LRRC46: variants seen among roughly 807,000 people sequenced by gnomAD.
LRRC46 encodes the protein leucine rich repeat containing 46.
A neutral mutation model predicts 28.0 loss-of-function variants in LRRC46; 20 were observed. The ratio of observed to expected loss-of-function variants is 0.71; its 90% CI spans 0.50 to 1.04. The LOEUF (loss-of-function observed/expected upper bound fraction) is 1.04. Among genes scored for constraint, LRRC46 ranks in the 50% least tolerant of loss-of-function variants. The probability of loss-of-function intolerance (pLI) is 0.00; values close to 1 mark genes in which losing one functional copy is unlikely to be tolerated. For synonymous variants in LRRC46, 156 were observed against 158.8 expected (o/e 0.98, Z 0.13); for missense variants, 315 against 390.1 (o/e 0.81, Z 1.62).
At chr17:47,832,752 G>T (rs913616807) in intron 2 of LRRC46, among the ~76,000 whole-genome samples, 9 of 152,176 alleles carry the variant, frequency 5.9e-5, no homozygotes, top group Non-Finnish European at 5.9e-5. Flanking sequence ...TGGCCAGACT[G>T]GTCTTGAACT....
intron 3 of LRRC46, chr17:47,834,943 T>C (rs1014148409): frequency 2.7e-5 from 6 of 224,702 alleles, no homozygotes; most frequent in Admixed American, 5.5e-5. Context: ...TTCCCCTGGT[T>C]GAGTATTCCC....
rs1463904655 is a variant in LRRC46, at chr17:47,836,232, T to C, written c.453-101T>C. 6.3e-7 allele frequency: 1 copy of C among 1,585,550 alleles called. No homozygotes were observed. Among genetic ancestry groups the C allele is most frequent in the Non-Finnish European group, 8.6e-7 (1 of 1,158,928 alleles). ...TCTCCCCCACCTCCTACCTAGCTCA[T>C]GAGCCACCACCCCTCCGGGTGTGAG... On this transcript the variant is annotated intron_variant, in intron 6 of 7. Coordinates refer to ENST00000269025, the MANE Select transcript of LRRC46 (RefSeq NM_033413.4). The surrounding 1 kb of genome is among the most constrained non-coding windows in gnomAD (Gnocchi z 5.8).
Position 47,836,003 on chromosome 17 carries a change from C to T in LRRC46, c.383-30C>T, listed in dbSNP as rs1298705366. On this transcript the variant is annotated intron_variant, in intron 5 of 7. Coordinates refer to ENST00000269025, the MANE Select transcript of LRRC46 (RefSeq NM_033413.4). This position sits in a 1 kb window ranked among gnomAD's most constrained non-coding sequence, Gnocchi z 5.8. Reference sequence around the variant, plus strand: ...TCTTTTGGCTAAGATCAAGTGAGAACCCCATTTCCTCTCTCTTTGCTGTGT... The same window carrying T: ...TCTTTTGGCTAAGATCAAGTGAGAATCCCATTTCCTCTCTCTTTGCTGTGT... 1.2e-6 allele frequency: 2 copies of T among 1,610,614 alleles called. No individual in the cohort carries two copies. The highest frequency in any genetic ancestry group is 2.7e-5 in the African/African-American group (2 of 74,872).
At chr17:47,834,239 G>GC (rs1345633861) in intron 2 of LRRC46, among the ~76,000 whole-genome samples, 186 bp from the exon 3 acceptor site, 3 of 152,208 alleles carry the variant, frequency 2.0e-5, no homozygotes, top group Non-Finnish European at 4.4e-5. Flanking sequence ...ATACGAGTCT[G>GC]CAAGTCAAGC....
chr17:47,836,914 C>A lies in LRRC46; in HGVS notation c.760C>A (p.Pro254Thr). 1 of 1,613,940 alleles carries A rather than the reference C, an allele frequency of 6.2e-7. No homozygotes were observed. The highest frequency in any genetic ancestry group is 1.1e-5 in the South Asian group (1 of 91,084). The change falls in exon 8 of 8, where the codon CCT becomes ACT. Residue 254 changes from proline to threonine, a missense_variant. Physicochemically the swap from Pro to Thr is conservative, Grantham distance 38 (BLOSUM62 -1). Transcript: ENST00000269025. This position sits in a 1 kb window ranked among gnomAD's most constrained non-coding sequence, Gnocchi z 5.8. ...TGGGGACAGCAGCCCTTCTGCCACT[C>A]CTGCGCAAGGGGAGGAGACAGTCCC... The part of the protein sequence containing the change: ...MAGDSSPSAT[P>T]AQGEETVPEA...
In LRRC46 at chr17:47,836,971, C is replaced by A. The variant is rs1332736858; in HGVS notation, c.817C>A (p.Pro273Thr). 6.2e-7 allele frequency: 1 copy of A among 1,613,630 alleles called. No homozygotes were observed. Among genetic ancestry groups the A allele is most frequent in the Admixed American group, 1.7e-5 (1 of 59,860 alleles). The change falls in exon 8 of 8, where the codon CCC (proline) becomes ACC (threonine). Residue 273 changes from proline to threonine, a missense_variant. Transcript: ENST00000269025. This position sits in a 1 kb window ranked among gnomAD's most constrained non-coding sequence, Gnocchi z 5.8. ...CGTCTCCTCACCCCAGGCCTCCTCT[C>A]CCACCAAGAAACCATGCAGTCTGAT... ...EAVSSPQASSPTKKPCSLIPR... is the reference protein window; with the variant it reads ...EAVSSPQASSTTKKPCSLIPR...
Position 47,836,862 on chromosome 17 carries a change from G to C in LRRC46, c.708G>C (p.Leu236=), listed in dbSNP as rs2033705097. 6.2e-7 allele frequency: 1 copy of C among 1,613,878 alleles called. No individual in the cohort carries two copies. Residue 236 remains leucine, a synonymous_variant, in exon 8 of 8, where the codon CTG becomes CTC. Transcript: ENST00000269025. This position sits in a 1 kb window ranked among gnomAD's most constrained non-coding sequence, Gnocchi z 5.8. ...RMEMQPTLTD[L]PLLPGVPMAG... ...AGATGCAGCCCACCCTCACCGACCT[G>C]CCCCTGCTACCTGGGGTGCCCATGG...
Position 47,831,872 on chromosome 17 carries a change from T to G in LRRC46, c.-118T>G. On this transcript the variant is annotated 5_prime_UTR_variant, in exon 1 of 8. Transcript: ENST00000269025. Reference sequence around the variant, plus strand: ...GAATCAACCCCCTTTCCTCCTCTCCTAAGTCTCTGAGTTTCTCTCTCCTCC... The same window carrying G: ...GAATCAACCCCCTTTCCTCCTCTCCGAAGTCTCTGAGTTTCTCTCTCCTCC... 3 of 1,372,084 alleles carry G rather than the reference T, an allele frequency of 2.2e-6. No individual in the cohort carries two copies. The highest frequency in any genetic ancestry group is 3.1e-6 in the Non-Finnish European group (3 of 974,112). 85.0% of individuals were successfully genotyped at this position (1,372,084 alleles called of 1,614,324 possible). A position where few individuals can be genotyped will look rare whatever the true frequency, so the allele number is the denominator to read the frequency against.
chr17:47,831,676 C>G lies in LRRC46; in HGVS notation c.-314C>G. 1.4e-6 allele frequency: 1 copy of G among 701,152 alleles called. No homozygotes were observed. Among genetic ancestry groups the G allele is most frequent in the Non-Finnish European group, 2.4e-6 (1 of 419,536 alleles). 43.4% of individuals were successfully genotyped at this position (701,152 alleles called of 1,614,324 possible). A position where few individuals can be genotyped will look rare whatever the true frequency, so the allele number is the denominator to read the frequency against. ...AGCCCGCCTTTACCTCCCCACTCGG[C>G]GTCCAGTCTCTTAGCAACGACTCCG... On this transcript the variant is annotated 5_prime_UTR_variant, in exon 1 of 8. Coordinates refer to ENST00000269025, the MANE Select transcript of LRRC46 (RefSeq NM_033413.4).
At position 47,836,807 on chromosome 17, in the gene LRRC46, C is replaced by T. The variant is rs148647571; in HGVS notation, c.653C>T (p.Thr218Met). The T allele has an allele frequency of 2.0e-5, 33 of 1,613,846 alleles. No homozygotes were observed. The highest frequency in any genetic ancestry group is 2.0e-4 in the Admixed American group (12 of 59,986). Residue 218 changes from threonine (T) to methionine (M), a missense_variant, in exon 8 of 8, where the codon ACG (threonine) becomes ATG (methionine). Physicochemically the swap from Thr to Met is moderately conservative, Grantham distance 81. Transcript: ENST00000269025. The surrounding 1 kb of genome is among the most constrained non-coding windows in gnomAD (Gnocchi z 5.8). Reference protein sequence around the residue: ...LSRHREHRQQTALTEHLLRME... With the variant: ...LSRHREHRQQMALTEHLLRME... ...AGGCACAGGGAGCACCGGCAACAGA[C>T]GGCCCTGACAGAGCACCTGCTGAGG...
chr17:47,837,442 T>G lies in LRRC46; in HGVS notation c.*322T>G, dbSNP rs1360179419. 2.4e-6 allele frequency: 1 copy of G among 416,366 alleles called. No homozygotes were observed. The highest frequency in any genetic ancestry group is 4.5e-5 in the Admixed American group (1 of 22,304). 25.8% of individuals were successfully genotyped at this position (416,366 alleles called of 1,614,324 possible). On this transcript the variant is annotated 3_prime_UTR_variant, in exon 8 of 8. Transcript: ENST00000269025. ...CGGGCACCACCTCATGGAAGAGGCA[T>G]GCCATCTCACTGCCACCCCTAGCGA...
intron 2 of LRRC46, among the ~76,000 whole-genome samples, chr17:47,832,565 T>TGTA (rs1418124900): frequency 8.5e-5 from 13 of 152,142 alleles, no homozygotes; most frequent in Admixed American, 3.3e-4. Context: ...GGTGCACACC[T>TGTA]GTAGTCCTAG....
intron 2 of LRRC46, chr17:47,833,892 A>T (rs1222819687): frequency 3.0e-6 from 3 of 983,794 alleles, no homozygotes; most frequent in Admixed American, 1.2e-4. Context: ...CTGGGAGTAC[A>T]GGGTAAGCCA....
rs756955580 is a variant in LRRC46 at position 47,837,081 on chromosome 17, C to G, written c.927C>G (p.Pro309=). ...CCAAGGCCTCTGTGGCTGAGGCCCC[C>G]AGCACAACCAAAACTACGGCCAAGA... is the stretch of plus-strand genomic sequence containing the variant. ...TAPKASVAEA[P]STTKTTAKRS... is the part of the protein sequence containing the mutation. The change falls in exon 8 of 8, where the codon CCC becomes CCG. Residue 309 remains proline, a synonymous_variant. Coordinates refer to ENST00000269025, the MANE Select transcript of LRRC46 (RefSeq NM_033413.4). The G allele has an allele frequency of 1.2e-6, 2 of 1,604,918 alleles. No individual in the cohort carries two copies. Among genetic ancestry groups the G allele is most frequent in the Non-Finnish European group, 1.7e-6 (2 of 1,177,872 alleles).
chr17:47,836,274 T>A lies in LRRC46; in HGVS notation c.453-59T>A, dbSNP rs926942880. On this transcript the variant is annotated intron_variant, in intron 6 of 7. Coordinates refer to ENST00000269025, the MANE Select transcript of LRRC46 (RefSeq NM_033413.4). The surrounding 1 kb of genome is among the most constrained non-coding windows in gnomAD (Gnocchi z 5.8). The stretch of plus-strand genomic sequence containing the variant: ...GGGTGTGAGTGCTGTGGTGCGTGTC[T>A]TTGCATCCTCCACGCCAGGGTGCCC... 1.2e-6 allele frequency: 2 copies of A among 1,605,020 alleles called. No homozygotes were observed. Among genetic ancestry groups the A allele is most frequent in the African/African-American group, 2.7e-5 (2 of 74,732 alleles).
In LRRC46 at chr17:47,836,123, A is replaced by G; in HGVS notation, c.452+21A>G. On this transcript the variant is annotated intron_variant, in intron 6 of 7. Coordinates refer to ENST00000269025, the MANE Select transcript of LRRC46 (RefSeq NM_033413.4). This position sits in a 1 kb window ranked among gnomAD's most constrained non-coding sequence, Gnocchi z 5.8. ...TACCGGTAAGGAGTGGAGGGTGGGA[A>G]GAAAGGTCATGGCTGAGCTCTACCT... The G allele has an allele frequency of 1.2e-6, 2 of 1,613,610 alleles. No individual in the cohort carries two copies. Among genetic ancestry groups the G allele is most frequent in the Non-Finnish European group, 1.7e-6 (2 of 1,179,536 alleles).
At position 47,834,418 on chromosome 17, in the gene LRRC46, T is replaced by C. The variant is rs200569295; in HGVS notation, c.117-7T>C. On this transcript the variant is annotated splice_region_variant and splice_polypyrimidine_tract_variant and intron_variant, in intron 2 of 7. Transcript: ENST00000269025. ...TCTAACACCACCCTTACTGACTCTTTTCCCAGGTTTCACACTCTTGATGAA... is the reference window on the plus strand; with the variant it reads ...TCTAACACCACCCTTACTGACTCTTCTCCCAGGTTTCACACTCTTGATGAA... 5.9e-5 allele frequency: 94 copies of C among 1,603,992 alleles called. No homozygotes were observed. The highest frequency in any genetic ancestry group is 7.0e-5 in the Non-Finnish European group (82 of 1,172,158).
Position 47,837,060 on chromosome 17 carries a change from G to A in LRRC46, c.906G>A (p.Lys302=). ...RKGARAATAP[K]ASVAEAPSTT... is the part of the protein sequence containing the mutation. ...GGGCACGAGCAGCCACAGCCCCCAA[G>A]GCCTCTGTGGCTGAGGCCCCCAGCA... Residue 302 remains lysine (K), a synonymous_variant, in exon 8 of 8, where the codon AAG becomes AAA. Coordinates refer to ENST00000269025, the MANE Select transcript of LRRC46 (RefSeq NM_033413.4). 1 of 1,606,264 alleles carries A rather than the reference G, an allele frequency of 6.2e-7. No individual in the cohort carries two copies. Among genetic ancestry groups the A allele is most frequent in the Non-Finnish European group, 8.5e-7 (1 of 1,178,174 alleles).
At position 47,836,580 on chromosome 17, in the gene LRRC46, A is replaced by G; in HGVS notation, c.595+105A>G. Reference sequence around the variant, plus strand: ...GTGGCGTCCGGGGAGGGGAGCCCCAAGTTCAGATCAACATCTGGGCCAGAG... The same window carrying G: ...GTGGCGTCCGGGGAGGGGAGCCCCAGGTTCAGATCAACATCTGGGCCAGAG... On this transcript the variant is annotated intron_variant, in intron 7 of 7. Transcript: ENST00000269025. The surrounding 1 kb of genome is among the most constrained non-coding windows in gnomAD (Gnocchi z 5.8). 6 of 1,520,070 alleles carry G rather than the reference A, an allele frequency of 3.9e-6. No individual in the cohort carries two copies. Among genetic ancestry groups the G allele is most frequent in the Non-Finnish European group, 5.3e-6 (6 of 1,128,664 alleles). 94.2% of individuals were successfully genotyped at this position (1,520,070 alleles called of 1,614,324 possible). A position where few individuals can be genotyped will look rare whatever the true frequency, so the allele number is the denominator to read the frequency against.
Sources: allele counts gnomAD v4.1 joint callset (sites outside exome capture counted in the v4.1 genomes callset), GRCh38; gene constraint gnomAD v4.1.1; non-coding constraint Gnocchi (gnomAD v3.1); transcripts MANE v1.5; gene names NCBI Gene and HGNC (gene_info 2026-07-23, HGNC 2026-07-21).